The following COMMD10 variants were observed in gnomAD, a reference collection of about 807,000 sequenced individuals.
COMMD10 encodes COMM domain containing 10.
Under a neutral mutation model 28.9 loss-of-function variants are expected in COMMD10, and 33 were observed. That is an observed-to-expected ratio of 1.14 (90% CI 0.87 to 1.53). The LOEUF (loss-of-function observed/expected upper bound fraction) is 1.53. COMMD10 is among the 40% of genes most tolerant of loss of function. The pLI is 0.00. For missense variants in COMMD10, 310 were observed against 233.4 expected, an observed-to-expected ratio of 1.33 and a Z score of -2.14; for synonymous variants, 110 against 81.7, an observed-to-expected ratio of 1.35 and a Z score of -1.87.
chr5:116,212,942 C>T (rs1260954500), intron 5 of COMMD10, among the ~76,000 whole-genome samples: 3 of 152,114 alleles, frequency 2.0e-5, no homozygotes, highest in African/African-American at 7.2e-5. Context: ...TGGTGTGTAA[C>T]AGTGAATGCT....
At chr5:116,158,680 CTTAAGTGTTTTT>C (rs1248140519) in intron 5 of COMMD10, among the ~76,000 whole-genome samples, 9 of 151,944 alleles carry the variant, frequency 5.9e-5, no homozygotes, top group African/African-American at 2.2e-4. Context: ...ATTATGTTTT[CTTAAGTGTTTTT>C]ACTTAATCCT....
At chr5:116,219,895 T>G (rs1451797467) in intron 5 of COMMD10, among the ~76,000 whole-genome samples, 3 of 152,182 alleles carry the variant, frequency 2.0e-5, no homozygotes, top group Admixed American at 2.0e-4. Context: ...CTTTCTGGTA[T>G]TTTTTTCAAA....
intron 5 of COMMD10, among the ~76,000 whole-genome samples, chr5:116,234,500 A>G (rs1749609264): frequency 6.6e-6 from 1 of 152,198 alleles, no homozygotes; most frequent in South Asian, 2.1e-4. Flanking sequence ...TATGGCTTTG[A>G]AGATGGGTAA....
intron 4 of COMMD10, among the ~76,000 whole-genome samples, chr5:116,112,856 G>T (rs1463777474): frequency 2.0e-5 from 3 of 152,058 alleles, no homozygotes; most frequent in African/African-American, 7.2e-5. Context: ...TTTATGGTTT[G>T]TTGGAATTCT....
At chr5:116,157,626 C>T (rs1752761060) in intron 5 of COMMD10, among the ~76,000 whole-genome samples, 1 of 152,040 alleles carries the variant, frequency 6.6e-6, no homozygotes, top group South Asian at 2.1e-4. Flanking sequence ...AAGAATAGGC[C>T]AGATTTAAGG....
chr5:116,174,664 G>A (rs968925831), intron 5 of COMMD10, among the ~76,000 whole-genome samples: 7 of 152,082 alleles, frequency 4.6e-5, no homozygotes, highest in African/African-American at 1.4e-4. Context: ...CAAAGTGTGA[G>A]ATAAAGTGAG....
At chr5:116,198,812 A>G (rs1316341909) in intron 5 of COMMD10, among the ~76,000 whole-genome samples, 2 of 152,160 alleles carry the variant, frequency 1.3e-5, no homozygotes, top group African/African-American at 4.8e-5. Context: ...TTAGTACTAA[A>G]TAATCTCTTG....
intron 5 of COMMD10, among the ~76,000 whole-genome samples, chr5:116,196,831 C>G (rs1748535920): frequency 6.6e-6 from 1 of 151,882 alleles, no homozygotes. Context: ...TAAAGGACAT[C>G]ATATTACTAA....
chr5:116,125,778 G>A (rs539309852), intron 4 of COMMD10, among the ~76,000 whole-genome samples: 11 of 151,520 alleles, frequency 7.3e-5, no homozygotes, highest in East Asian at 1.9e-4. Context: ...TAAACTTCTC[G>A]CTTCATTTCA....
chr5:116,207,601 C>T (rs1008100041), intron 5 of COMMD10, among the ~76,000 whole-genome samples: 5 of 152,154 alleles, frequency 3.3e-5, no homozygotes, highest in African/African-American at 1.2e-4. Flanking sequence ...TCTGGGCTCA[C>T]TGCAGCCTCC....
chr5:116,171,957 C>T (rs1753349860), intron 5 of COMMD10, among the ~76,000 whole-genome samples: 1 of 152,078 alleles, frequency 6.6e-6, no homozygotes, highest in South Asian at 2.1e-4. Context: ...CACATGTATC[C>T]TAGAACTTAA....
At chr5:116,230,734 A>T (rs1749509202) in intron 5 of COMMD10, among the ~76,000 whole-genome samples, 2 of 152,062 alleles carry the variant, frequency 1.3e-5, no homozygotes, top group African/African-American at 4.8e-5. Flanking sequence ...AATTTTAAGA[A>T]AATTGATATC....
intron 5 of COMMD10, among the ~76,000 whole-genome samples, chr5:116,220,541 A>G (rs1428457416): frequency 6.6e-6 from 1 of 152,030 alleles, no homozygotes; most frequent in Non-Finnish European, 1.5e-5. Flanking sequence ...GTAGCCTTGG[A>G]CTTTTTGTGA....
intron 5 of COMMD10, among the ~76,000 whole-genome samples, chr5:116,213,378 A>C (rs1005586177): frequency 6.6e-6 from 1 of 152,134 alleles, no homozygotes; most frequent in Admixed American, 6.6e-5. Flanking sequence ...GGGTCTCAGC[A>C]AAATGATAAA....
chr5:116,091,645 C>T (rs1338135999), intron 3 of COMMD10, among the ~76,000 whole-genome samples: 1 of 152,136 alleles, frequency 6.6e-6, no homozygotes, highest in Non-Finnish European at 1.5e-5. Flanking sequence ...CCTTATACTT[C>T]CTTTATTTGG....
intron 5 of COMMD10, among the ~76,000 whole-genome samples, chr5:116,253,474 A>G (rs1419607077): frequency 1.3e-5 from 2 of 150,588 alleles, no homozygotes; most frequent in Non-Finnish European, 3.0e-5. Flanking sequence ...ATGTCCCATC[A>G]ATACCTAATT....
At chr5:116,154,972 C>T (rs2136206) in intron 5 of COMMD10, among the ~76,000 whole-genome samples, 136,335 of 152,114 alleles carry the variant, frequency 0.9, 61,241 homozygotes, top group African/African-American at 0.94. Flanking sequence ...GATAGCTATG[C>T]TATTTTTCTT....
In COMMD10 at chr5:116,106,360, G is replaced by A. The variant is rs554295891; in HGVS notation, c.399+13660G>A. ...GTGGTCCGACAGAGTGTTTATTAAT[G>A]ATTTCTGTTCTTTTGCATTTGCTGA... is the stretch of plus-strand genomic sequence containing the variant. On this transcript the variant is annotated intron_variant, in intron 4 of 6. Transcript: ENST00000274458. Among the ~76,000 whole-genome samples the A allele has an allele frequency of 6.1e-4, 93 of 152,198 alleles. 1 individual carries two copies. Among genetic ancestry groups the A allele is most frequent in the Middle Eastern group, 6.8e-3 (2 of 294 alleles).
chr5:116,131,563 C>T (rs1034430420), intron 4 of COMMD10, among the ~76,000 whole-genome samples: 4 of 151,874 alleles, frequency 2.6e-5, no homozygotes, highest in African/African-American at 7.3e-5. Context: ...AATACTTCTC[C>T]TTGAAAGTTT....
Sources: gnomAD v4.1 joint callset for allele counts (sites outside exome capture counted in the v4.1 genomes callset) on GRCh38, gnomAD v4.1.1 for gene constraint, MANE v1.5 for transcripts, NCBI Gene and HGNC (gene_info 2026-07-23, HGNC 2026-07-21) for gene names.